RBMS3: variants seen among roughly 807,000 people sequenced by gnomAD.
RBMS3 encodes RNA binding motif single stranded interacting protein 3.
RBMS3 carries 27 observed loss-of-function variants against 66.8 expected under a neutral mutation model. The ratio of observed to expected loss-of-function variants is 0.40; its 90% confidence interval spans 0.30 to 0.56. The LOEUF is 0.56. Ranked by LOEUF, RBMS3 falls within the 20% of genes least tolerant of loss-of-function variation. RBMS3 has a pLI of 0.40. For synonymous variants in RBMS3, 188 were observed against 183.0 expected (o/e 1.03, Z -0.22); for missense variants, 513 against 549.5 (o/e 0.93, Z 0.66).
chr3:29,503,547 G>C (rs1380557946), intron 3 of RBMS3, among the ~76,000 whole-genome samples: 1 of 151,828 alleles, frequency 6.6e-6, no homozygotes, highest in Non-Finnish European at 1.5e-5. Flanking sequence ...TCTCTGGCCT[G>C]ACATTCTACT....
At chr3:29,730,748 T>C (rs913576619) in intron 4 of RBMS3, 2 of 484,088 alleles carry the variant, frequency 4.1e-6, no homozygotes, top group Non-Finnish European at 5.4e-6. Flanking sequence ...TAGTTCTCTA[T>C]AGTTTTGTTT....
At position 29,647,136 on chromosome 3, in the gene RBMS3, C is replaced by T. The variant is rs986442522; in HGVS notation, c.399+59931C>T. 3.9e-5 allele frequency among the ~76,000 whole-genome samples: 6 copies of T among 152,260 alleles called. No homozygotes were observed. In the South Asian group the frequency reaches 1.0e-3, roughly 26 times the overall value. On this transcript the variant is annotated intron_variant, in intron 4 of 14. Transcript: ENST00000383767. ...GGGACTACAGGCGCGTACCACCACA[C>T]CGGGCTAATTTTTTGTGTTTTTAGT...
chr3:29,356,403 T>G (rs7636555), intron 1 of RBMS3, among the ~76,000 whole-genome samples: 15 of 152,046 alleles, frequency 9.9e-5, no homozygotes, highest in Non-Finnish European at 2.2e-4. Context: ...ATTATAATAA[T>G]GAATATTTTC....
intron 3 of RBMS3, among the ~76,000 whole-genome samples, chr3:29,581,509 G>A (rs545110472): frequency 1.3e-5 from 2 of 152,246 alleles, no homozygotes; most frequent in South Asian, 4.1e-4. Context: ...CAGCCACAGA[G>A]TATTGCTAAG....
intron 1 of RBMS3, among the ~76,000 whole-genome samples, chr3:29,416,589 G>C (rs372110511): frequency 5.5e-4 from 84 of 152,106 alleles, no homozygotes; most frequent in African/African-American, 2.0e-3. Context: ...TTTAGCTAAG[G>C]GTAAGTTGGG....
At chr3:29,775,678 G>T (rs1395799906) in intron 6 of RBMS3, among the ~76,000 whole-genome samples, 2 of 152,036 alleles carry the variant, frequency 1.3e-5, no homozygotes, top group East Asian at 3.9e-4. Context: ...GACTTCACCA[G>T]TGTGAGTGCT....
At position 29,777,386 on chromosome 3, in the gene RBMS3, G is replaced by T. The variant is rs577609072; in HGVS notation, c.637+14397G>T. 2.0e-5 allele frequency among the ~76,000 whole-genome samples: 3 copies of T among 151,926 alleles called. No individual in the cohort carries two copies. The South Asian group carries it at 6.2e-4, about 32-fold the overall frequency. On this transcript the variant is annotated intron_variant, in intron 6 of 14. Coordinates refer to ENST00000383767, the MANE Select transcript of RBMS3 (RefSeq NM_001003793.3). ...ATGTTTGATATAGACACACTAAATTGAATTTAAAATAGTCGAGCATATTAT... is the reference window on the plus strand; with the variant it reads ...ATGTTTGATATAGACACACTAAATTTAATTTAAAATAGTCGAGCATATTAT...
chr3:29,434,605 A>G, intron 1 of RBMS3, 138 bp from the exon 2 acceptor site: 1 of 1,175,036 alleles, frequency 8.5e-7, no homozygotes, highest in Non-Finnish European at 1.2e-6. Context: ...AACAGAGAGT[A>G]GTGATATAAA....
chr3:29,728,211 AG>A (rs938327292), intron 4 of RBMS3, among the ~76,000 whole-genome samples: 7 of 129,304 alleles, frequency 5.4e-5, no homozygotes, highest in South Asian at 2.7e-4. Flanking sequence ...CTGTTGGGGC[AG>A]GGGGGTAAGG....
intron 1 of RBMS3, among the ~76,000 whole-genome samples, chr3:29,410,413 A>C (rs1343338490): frequency 2.0e-5 from 3 of 152,196 alleles, no homozygotes; most frequent in African/African-American, 4.8e-5. Context: ...GCTAGTATGC[A>C]AATTGCCTAA....
intron 1 of RBMS3, among the ~76,000 whole-genome samples, chr3:29,288,119 TG>T (rs1559462093): frequency 6.6e-6 from 1 of 151,930 alleles, no homozygotes; most frequent in Non-Finnish European, 1.5e-5. Flanking sequence ...TATCATTTTG[TG>T]GGGGAATTCT....
At chr3:29,763,237 A>T (rs923375143) in intron 6 of RBMS3, among the ~76,000 whole-genome samples, 1 of 152,120 alleles carries the variant, frequency 6.6e-6, no homozygotes, top group South Asian at 2.1e-4. Flanking sequence ...ATAGCAAAGA[A>T]TAGTTAAAGA....
intron 4 of RBMS3, among the ~76,000 whole-genome samples, chr3:29,688,727 C>T (rs757926566): frequency 4.0e-5 from 6 of 151,294 alleles, no homozygotes; most frequent in Non-Finnish European, 7.4e-5. Context: ...GGACTACAAG[C>T]GGATGCCATC....
chr3:29,332,637 C>A (rs544991465), intron 1 of RBMS3, among the ~76,000 whole-genome samples: 1 of 152,076 alleles, frequency 6.6e-6, no homozygotes, highest in African/African-American at 2.4e-5. Context: ...AATAAATACT[C>A]GAAACATCCA....
chr3:29,825,357 T>G (rs2058184394), intron 6 of RBMS3, among the ~76,000 whole-genome samples: 1 of 152,064 alleles, frequency 6.6e-6, no homozygotes, highest in African/African-American at 2.4e-5. Flanking sequence ...TTTTATGTGT[T>G]GTACATGAGA....
intron 4 of RBMS3, among the ~76,000 whole-genome samples, chr3:29,655,557 T>C (rs2050296044): frequency 6.6e-6 from 1 of 152,214 alleles, no homozygotes; most frequent in Non-Finnish European, 1.5e-5. Flanking sequence ...CACATGTGCG[T>C]GATGATGCTG....
intron 12 of RBMS3, among the ~76,000 whole-genome samples, chr3:29,974,749 T>C (rs949014543): frequency 6.7e-6 from 1 of 149,530 alleles, no homozygotes; most frequent in Non-Finnish European, 1.5e-5. Flanking sequence ...GACCCATCCA[T>C]ATTTATAGAG....
rs2059622710 is a variant in RBMS3, at chr3:29,876,945, G to T, written c.745-7217G>T. ...GCTGCTGAAAGGAGGACCATAATGTGGTCAGATTTGCCTCTCACAAGAGCA... is the reference window on the plus strand; with the variant it reads ...GCTGCTGAAAGGAGGACCATAATGTTGTCAGATTTGCCTCTCACAAGAGCA... On this transcript the variant is annotated intron_variant, in intron 7 of 14. Coordinates refer to ENST00000383767, the MANE Select transcript of RBMS3 (RefSeq NM_001003793.3). Among the ~76,000 whole-genome samples the T allele has an allele frequency of 2.0e-5, 3 of 152,118 alleles. No individual in the cohort carries two copies. The South Asian group carries it at 6.2e-4, about 32-fold the overall frequency.
rs1437787798 is a variant in RBMS3 at position 29,566,584 on chromosome 3, A to T, written c.308-20530A>T. ...TCCCCAAATATTTGTTCATACTTGA[A>T]TGCTATTTCTCCCTCATGTCTAAAT... On this transcript the variant is annotated intron_variant, in intron 3 of 14. Coordinates refer to ENST00000383767, the MANE Select transcript of RBMS3 (RefSeq NM_001003793.3). Among the ~76,000 whole-genome samples the T allele has an allele frequency of 6.0e-5, 9 of 149,032 alleles. No individual in the cohort carries two copies. The Admixed American group carries it at 6.1e-4, about 10-fold the overall frequency.
Sources: allele counts gnomAD v4.1 joint callset (sites outside exome capture counted in the v4.1 genomes callset), GRCh38; gene constraint gnomAD v4.1.1; transcripts MANE v1.5; gene names NCBI Gene and HGNC (gene_info 2026-07-23, HGNC 2026-07-21).